The following ADGB variants were observed in gnomAD, a reference collection of about 807,000 sequenced individuals.
The protein encoded by ADGB is calpain-7-like protein.
Under a neutral mutation model 210.5 loss-of-function variants are expected in ADGB, and 172 were observed. The observed-to-expected ratio is 0.82, with a 90% CI of 0.72 to 0.93. The LOEUF (loss-of-function observed/expected upper bound fraction) is 0.93, where lower values mean the gene tolerates loss of function less well. Ranked by LOEUF, ADGB falls within the 40% of genes least tolerant of loss-of-function variation. The probability of loss-of-function intolerance (pLI) is 0.00; values close to 1 mark genes in which losing one functional copy is unlikely to be tolerated. For missense variants in ADGB, 2,025 were observed against 1,964.8 expected, an observed-to-expected ratio of 1.03 and a Z score of -0.58; for synonymous variants, 658 against 662.7, an observed-to-expected ratio of 0.99 and a Z score of 0.11.
At chr6:146,727,739 T>C (rs921109687) in intron 19 of ADGB, among the ~76,000 whole-genome samples, 2 of 152,138 alleles carry the variant, frequency 1.3e-5, no homozygotes, top group African/African-American at 4.8e-5. Context: ...CCAGAGAACT[T>C]TTCTGGGCAT....
intron 33 of ADGB, among the ~76,000 whole-genome samples, chr6:146,800,469 A>G (rs1778111921): frequency 6.6e-6 from 1 of 152,212 alleles, no homozygotes; most frequent in African/African-American, 2.4e-5. Context: ...AAATTTACTA[A>G]GAAGTATTGA....
intron 8 of ADGB, among the ~76,000 whole-genome samples, chr6:146,675,285 CT>C (rs1776070110): frequency 6.6e-6 from 1 of 151,706 alleles, no homozygotes; most frequent in African/African-American, 2.4e-5. Flanking sequence ...GAAATCCTGT[CT>C]CTATAAAAAA....
At chr6:146,776,391 T>C (rs1223136546) in intron 29 of ADGB, among the ~76,000 whole-genome samples, 1 of 152,100 alleles carries the variant, frequency 6.6e-6, no homozygotes, top group East Asian at 1.9e-4. Context: ...TTCAACATTA[T>C]ACTAAATGAA....
intron 24 of ADGB, 97 bp downstream of exon 24, chr6:146,740,690 GT>G (rs1161396319): frequency 1.1e-5 from 14 of 1,284,164 alleles, no homozygotes; most frequent in Non-Finnish European, 1.4e-5. Flanking sequence ...TAGCTTCTGG[GT>G]TGCTTTCATA....
intron 18 of ADGB, 47 bp downstream of exon 18, chr6:146,724,374 T>C (rs1043626232): frequency 2.7e-6 from 4 of 1,474,408 alleles, no homozygotes; most frequent in Non-Finnish European, 2.7e-6. Context: ...GTTTGAAGGC[T>C]TGCAAATTGT....
At chr6:146,813,109 T>A (rs528054985) in intron 35 of ADGB, among the ~76,000 whole-genome samples, 1 of 152,322 alleles carries the variant, frequency 6.6e-6, no homozygotes, top group South Asian at 2.1e-4. Context: ...TTGAGTTTTT[T>A]GCCTCTAAGC....
chr6:146,698,354 CTA>C (rs1458973338), intron 12 of ADGB, among the ~76,000 whole-genome samples: 1 of 152,158 alleles, frequency 6.6e-6, no homozygotes, highest in Non-Finnish European at 1.5e-5. Flanking sequence ...AGACTATAAT[CTA>C]TGATAGGAAT....
At chr6:146,778,511 C>T (rs1246173543) in intron 29 of ADGB, among the ~76,000 whole-genome samples, 1 of 152,054 alleles carries the variant, frequency 6.6e-6, no homozygotes, top group Non-Finnish European at 1.5e-5. Flanking sequence ...GTTTTTATTT[C>T]TTTTTTTCTT....
Position 146,693,173 on chromosome 6 carries a change from T to C in ADGB, c.1577+258T>C, listed in dbSNP as rs556341867. Among the ~76,000 whole-genome samples, 3 of 152,228 alleles carry C rather than the reference T, an allele frequency of 2.0e-5. No homozygotes were observed. The East Asian group carries it at 5.8e-4, about 29-fold the overall frequency. On this transcript the variant is annotated intron_variant, in intron 12 of 35. Coordinates refer to ENST00000397944, the MANE Select transcript of ADGB (RefSeq NM_024694.4). ...CTGAATGTTTGTATGCCCACCAAAT[T>C]CATAGGTTAAAGTTCTGACCTGCCA...
chr6:146,692,662 C>T (rs10457804), intron 11 of ADGB, among the ~76,000 whole-genome samples, 163 bp from the exon 12 acceptor site: 29,189 of 152,114 alleles, frequency 0.19, 3,506 homozygotes, highest in Middle Eastern at 0.36. Context: ...TAAACTCTTT[C>T]AATAAAAGCT....
At chr6:146,765,292 C>T (rs1338834064) in intron 28 of ADGB, among the ~76,000 whole-genome samples, 1 of 151,534 alleles carries the variant, frequency 6.6e-6, no homozygotes, top group Non-Finnish European at 1.5e-5. Context: ...ACCCATGCCT[C>T]GTGGAAACTG....
intron 10 of ADGB, among the ~76,000 whole-genome samples, chr6:146,686,579 T>C (rs111743077): frequency 9.9e-5 from 15 of 152,274 alleles, no homozygotes; most frequent in African/African-American, 3.4e-4. Context: ...TGTTTAGTGC[T>C]TGCGTAGTAT....
At chr6:146,650,544 T>C (rs200903976) in intron 3 of ADGB, among the ~76,000 whole-genome samples, 3 of 145,042 alleles carry the variant, frequency 2.1e-5, no homozygotes, top group Non-Finnish European at 4.5e-5. Context: ...GTTTTTTTTT[T>C]TCCTGCACAA....
intron 35 of ADGB, chr6:146,807,665 G>A: frequency 9.0e-7 from 1 of 1,105,654 alleles, no homozygotes; most frequent in Non-Finnish European, 1.3e-6. Context: ...CTGCTGATAA[G>A]ATATTGGGCC....
chr6:146,782,401 G>C lies in ADGB; in HGVS notation c.4035+209G>C, dbSNP rs75595326. ...TCAAAAACTATCAATTAAACCTTTA[G>C]TATGTAGAACACTATTCATGGCACT... On this transcript the variant is annotated intron_variant, in intron 30 of 35. Transcript: ENST00000397944. 8.8e-4 allele frequency among the ~76,000 whole-genome samples: 134 copies of C among 152,248 alleles called. 1 individual carries two copies. The East Asian group carries it at 0.023, about 26-fold the overall frequency.
chr6:146,677,677 C>T (rs1382958113), intron 9 of ADGB, among the ~76,000 whole-genome samples: 1 of 152,152 alleles, frequency 6.6e-6, no homozygotes, highest in Non-Finnish European at 1.5e-5. Flanking sequence ...ATGATGCCTT[C>T]CTTCTCCTGC....
intron 32 of ADGB, among the ~76,000 whole-genome samples, chr6:146,787,009 A>C (rs1279422959): frequency 2.6e-5 from 4 of 152,152 alleles, no homozygotes; most frequent in Admixed American, 1.3e-4. Flanking sequence ...TAAATTACTA[A>C]GAGGAACTTG....
At chr6:146,730,513 C>T (rs73575926) in intron 20 of ADGB, among the ~76,000 whole-genome samples, 9,904 of 152,210 alleles carry the variant, frequency 0.065, 1,058 homozygotes, top group African/African-American at 0.22. Context: ...TAGGGGTGAC[C>T]ATCTGTGTTA....
chr6:146,613,347 C>A lies in ADGB; in HGVS notation c.74+14233C>A, dbSNP rs78298279. ...GTTTGATTTTCTGAAGAGTAAAACT[C>A]AGAATGCCCTGACCCAAAATAATTC... On this transcript the variant is annotated intron_variant, in intron 1 of 35. Coordinates refer to ENST00000397944, the MANE Select transcript of ADGB (RefSeq NM_024694.4). 3.7e-3 allele frequency among the ~76,000 whole-genome samples: 564 copies of A among 152,192 alleles called. 8 individuals are homozygous for A. The East Asian group carries it at 0.05, about 13-fold the overall frequency.
Sources: allele counts gnomAD v4.1 joint callset (sites outside exome capture counted in the v4.1 genomes callset), GRCh38; gene constraint gnomAD v4.1.1; transcripts MANE v1.5; gene names NCBI Gene and HGNC (gene_info 2026-07-23, HGNC 2026-07-21).